The following TCF20 variants were observed in gnomAD, a reference collection of about 807,000 sequenced individuals.
TCF20 encodes the protein SPRE-binding protein.
In TCF20, 3 loss-of-function variants were observed where a neutral mutation model predicts 148.6. The ratio of observed to expected loss-of-function variants is 0.02; its 90% CI spans 0.01 to 0.05. The LOEUF (loss-of-function observed/expected upper bound fraction) is 0.05, where lower values mean the gene tolerates loss of function less well. Ranked by LOEUF, TCF20 falls within the 10% of genes least tolerant of loss-of-function variation. TCF20 has a pLI of 1.00. For synonymous variants in TCF20, 1,049 were observed against 909.5 expected (o/e 1.15, Z -2.76); for missense variants, 2,350 against 2,429.3 (o/e 0.97, Z 0.69).
intron 1 of TCF20, among the ~76,000 whole-genome samples, chr22:42,237,354 G>C (rs1923979481): frequency 6.6e-6 from 1 of 152,158 alleles, no homozygotes; most frequent in Non-Finnish European, 1.5e-5. Flanking sequence ...TTTATCATGA[G>C]ATTACAGCAA....
chr22:42,335,734 G>A (rs760564768), intron 1 of TCF20, among the ~76,000 whole-genome samples: 3 of 152,276 alleles, frequency 2.0e-5, no homozygotes, highest in East Asian at 1.9e-4. Flanking sequence ...TTCTGAGTGC[G>A]GCAGAAGCAC....
chr22:42,190,832 A>C (rs1937294709), intron 2 of TCF20, among the ~76,000 whole-genome samples: 1 of 152,356 alleles, frequency 6.6e-6, no homozygotes, highest in Non-Finnish European at 1.5e-5. Context: ...AGGTGATACT[A>C]ATAATTTCTA....
intron 1 of TCF20, among the ~76,000 whole-genome samples, chr22:42,219,091 A>T (rs1922087622): frequency 6.6e-6 from 1 of 152,014 alleles, no homozygotes; most frequent in Non-Finnish European, 1.5e-5. Flanking sequence ...GGAGCTATAA[A>T]ATAAGTAATA....
rs778867890 is a variant in TCF20 at position 42,321,675 on chromosome 22, G to A, written c.-37+21804C>T. Reference sequence around the variant, plus strand: ...AAAACAGGGGGACCAGGCTGGGCGCGGTGACTCACACCTGTAATCCTAGCA... The same window carrying A: ...AAAACAGGGGGACCAGGCTGGGCGCAGTGACTCACACCTGTAATCCTAGCA... On this transcript the variant is annotated intron_variant, in intron 1 of 1. Coordinates refer to the TCF20 transcript ENST00000515426. Among the ~76,000 whole-genome samples the A allele has an allele frequency of 1.4e-4, 21 of 151,768 alleles. 1 individual carries two copies. Among genetic ancestry groups the A allele is most frequent in the Non-Finnish European group, 2.2e-4 (15 of 67,832 alleles).
In TCF20 at chr22:42,219,054, T is replaced by C. The variant is rs530994091; in HGVS notation, c.-36-3713A>G. ...AACCAATTAAGAAAACCAACTAGCA[T>C]ATACCAACGACAGAAAATGTAAACC... On this transcript the variant is annotated intron_variant, in intron 1 of 5. Coordinates refer to ENST00000677622, the MANE Select transcript of TCF20 (RefSeq NM_001378418.1). Among the ~76,000 whole-genome samples the C allele has an allele frequency of 3.9e-4, 59 of 152,192 alleles. 1 individual carries two copies. The South Asian group carries it at 9.7e-3, about 25-fold the overall frequency.
rs1396989717 is a variant in TCF20, at chr22:42,210,384, C to T, written c.4922G>A (p.Cys1641Tyr). 2.7e-5 allele frequency: 44 copies of T among 1,614,254 alleles called. No homozygotes were observed. Among genetic ancestry groups the T allele is most frequent in the Non-Finnish European group, 3.6e-5 (42 of 1,180,050 alleles). Residue 1641 changes from cysteine to tyrosine, a missense_variant, in exon 2 of 6, where the codon TGT becomes TAT. Cys to Tyr is a radical substitution (Grantham distance 194, BLOSUM62 -2). This residue lies in a region of TCF20 where 374 missense variants were observed against 398.3 expected (regional missense o/e 0.94). Coordinates refer to ENST00000677622, the MANE Select transcript of TCF20 (RefSeq NM_001378418.1). This position sits in a 1 kb window ranked among gnomAD's most constrained non-coding sequence, Gnocchi z 4.7. ...FYPYIHVVNK[C>Y]ELGAVCTIIN... The stretch of plus-strand genomic sequence containing the variant: ...GATTGTACAAACGGCTCCAAGTTCA[C>T]ACTTATTTACTACATGGATGTAAGG...
rs1920995876 is a variant in TCF20 at position 42,212,021 on chromosome 22, C to T, written c.3285G>A (p.Glu1095=). The change falls in exon 2 of 6, where the codon GAG becomes GAA. Residue 1095 remains glutamate, a synonymous_variant. Transcript: ENST00000677622. The part of the protein sequence containing the change: ...YKRQMYQQQP[E]EYKDWSSGSA... ...AACCGCTGCTCCAGTCTTTATACTC[C>T]TCTGGTTGCTGTTGGTACATCTGTC... 1 of 1,614,192 alleles carries T rather than the reference C, an allele frequency of 6.2e-7. No individual in the cohort carries two copies. Among genetic ancestry groups the T allele is most frequent in the Non-Finnish European group, 8.5e-7 (1 of 1,180,044 alleles).
At chr22:42,253,344 C>A (rs1925531194) in intron 1 of TCF20, among the ~76,000 whole-genome samples, 1 of 152,042 alleles carries the variant, frequency 6.6e-6, no homozygotes, top group African/African-American at 2.4e-5. Context: ...CCTAACGAAT[C>A]ACTAAGAAAG....
At chr22:42,272,327 C>T (rs905846083), upstream of TCF20, among the ~76,000 whole-genome samples, 1 of 152,190 alleles carries the variant, frequency 6.6e-6, no homozygotes, top group Non-Finnish European at 1.5e-5. Context: ...GTTTTCTGGA[C>T]AAAAATAGGA....
intron 1 of TCF20, among the ~76,000 whole-genome samples, chr22:42,315,509 T>C (rs1927612843): frequency 6.6e-6 from 1 of 152,172 alleles, no homozygotes; most frequent in African/African-American, 2.4e-5. Flanking sequence ...ATCCACTCCC[T>C]TGCCTATTCA....
At chr22:42,206,239 C>A (rs1157569501) in intron 2 of TCF20, among the ~76,000 whole-genome samples, 1 of 152,120 alleles carries the variant, frequency 6.6e-6, no homozygotes, top group Non-Finnish European at 1.5e-5. Flanking sequence ...GTCAGATGGT[C>A]ACATACACAT....
At chr22:42,174,855 G>A (rs1241425298) in intron 3 of TCF20, among the ~76,000 whole-genome samples, 1 of 152,032 alleles carries the variant, frequency 6.6e-6, no homozygotes, top group Non-Finnish European at 1.5e-5. Flanking sequence ...CTAACACGGT[G>A]AAACCCCGTC....
At chr22:42,250,677 T>A (rs542325439) in intron 1 of TCF20, among the ~76,000 whole-genome samples, 1 of 152,220 alleles carries the variant, frequency 6.6e-6, no homozygotes, top group African/African-American at 2.4e-5. Flanking sequence ...GTTAGTATAC[T>A]GAGTGATTAA....
At chr22:42,208,690 T>G (rs1270148033) in intron 2 of TCF20, among the ~76,000 whole-genome samples, 1 of 151,560 alleles carries the variant, frequency 6.6e-6, no homozygotes, top group African/African-American at 2.4e-5. Context: ...AAAAAGATAA[T>G]GAGATAAAAC....
chr22:42,189,191 A>AC (rs543140375), intron 2 of TCF20, among the ~76,000 whole-genome samples: 349 of 152,300 alleles, frequency 2.3e-3, no homozygotes, highest in African/African-American at 7.7e-3. Context: ...GGAAATGCAT[A>AC]CAAGAGGCAG....
At chr22:42,240,869 T>TC (rs1491431770) in intron 1 of TCF20, among the ~76,000 whole-genome samples, 1 of 152,022 alleles carries the variant, frequency 6.6e-6, no homozygotes, top group African/African-American at 2.4e-5. Flanking sequence ...TTTTTTTTTT[T>TC]CTGAGACAGA....
intron 1 of TCF20, among the ~76,000 whole-genome samples, chr22:42,335,181 G>A (rs1432086456): frequency 6.6e-6 from 1 of 152,076 alleles, no homozygotes; most frequent in African/African-American, 2.4e-5. Flanking sequence ...CAAGAGGGGT[G>A]GGGAAACAGA....
At chr22:42,334,400 C>T (rs941088324) in intron 1 of TCF20, among the ~76,000 whole-genome samples, 3 of 152,186 alleles carry the variant, frequency 2.0e-5, no homozygotes, top group African/African-American at 7.2e-5. Context: ...CCATGGTCAG[C>T]CCCTGGGCAC....
At chr22:42,178,145 G>A (rs1193375334) in intron 3 of TCF20, among the ~76,000 whole-genome samples, 2 of 152,198 alleles carry the variant, frequency 1.3e-5, no homozygotes, top group Admixed American at 1.3e-4. Context: ...CCCCTGGAGA[G>A]AGCATGGACG....
Sources: gnomAD v4.1 joint callset for allele counts (sites outside exome capture counted in the v4.1 genomes callset) on GRCh38, gnomAD v4.1.1 for gene constraint, gnomAD v4.1.1 regional missense constraint, Gnocchi (gnomAD v3.1) non-coding constraint, MANE v1.5 for transcripts, NCBI Gene and HGNC (gene_info 2026-07-23, HGNC 2026-07-21) for gene names.